Variants in ZNF469 observed in about 807,000 individuals in gnomAD.
The protein encoded by ZNF469 is zinc finger protein 469.
A neutral mutation model predicts 1.0 loss-of-function variants in ZNF469; 1 was observed. The observed-to-expected ratio is 1.00, with a 90% CI of 0.35 to 4.73. ZNF469 has a LOEUF of 4.73. Among genes scored for constraint, ZNF469 ranks in the 30% most tolerant of loss-of-function variants. The probability of loss-of-function intolerance (pLI) is 0.16; values close to 1 mark genes in which losing one functional copy is unlikely to be tolerated. For synonymous variants in ZNF469, 2,703 were observed against 2,363.4 expected (o/e 1.14, Z -4.17); for missense variants, 6,100 against 5,356.3 (o/e 1.14, Z -4.33).
the ZNF469 span, among the ~76,000 whole-genome samples, chr16:88,112,678 A>G: frequency 6.7e-6 from 1 of 150,374 alleles, no homozygotes; most frequent in African/African-American, 2.4e-5. Context: ...TGTTCTGGTT[A>G]TGAATCCCTT....
At chr16:88,226,247 C>A in the ZNF469 span, among the ~76,000 whole-genome samples, 1 of 152,148 alleles carries the variant, frequency 6.6e-6, no homozygotes, top group South Asian at 2.1e-4. Context: ...GCTTCACCCC[C>A]AGCACGCAGG....
At chr16:88,354,249 AG>A in the ZNF469 span, among the ~76,000 whole-genome samples, 24 of 152,162 alleles carry the variant, frequency 1.6e-4, no homozygotes, top group Non-Finnish European at 2.4e-4. Flanking sequence ...GTAGCTCCCC[AG>A]GGGGACCAGG....
the ZNF469 span, among the ~76,000 whole-genome samples, chr16:88,351,738 C>G: frequency 6.6e-6 from 1 of 152,176 alleles, no homozygotes; most frequent in African/African-American, 2.4e-5. Flanking sequence ...CCTCCCCCAC[C>G]AGCAGGGTGC....
the ZNF469 span, among the ~76,000 whole-genome samples, chr16:88,225,645 G>A: frequency 1.2e-3 from 184 of 152,306 alleles, 2 homozygotes; most frequent in Non-Finnish European, 1.9e-3. Flanking sequence ...GGTGTTGGGA[G>A]CTGGAGGACA....
At chr16:88,201,578 T>A in the ZNF469 span, among the ~76,000 whole-genome samples, 67 of 149,118 alleles carry the variant, frequency 4.5e-4, no homozygotes, top group African/African-American at 8.4e-4. The surrounding 1 kb of genome is among the most constrained non-coding windows in gnomAD (Gnocchi z 5.0). Context: ...AAAAAAAAAA[T>A]GAAAACAAAG....
chr16:88,349,743 A>T, the ZNF469 span, among the ~76,000 whole-genome samples: 11 of 147,110 alleles, frequency 7.5e-5, no homozygotes, highest in African/African-American at 1.3e-4. Flanking sequence ...CACCACACAC[A>T]AGTGCACACA....
At chr16:88,217,319 C>T in the ZNF469 span, among the ~76,000 whole-genome samples, 1 of 152,148 alleles carries the variant, frequency 6.6e-6, no homozygotes, top group Non-Finnish European at 1.5e-5. Flanking sequence ...CAAACTCTAT[C>T]TCCTTTGAGC....
the ZNF469 span, among the ~76,000 whole-genome samples, chr16:88,362,257 C>A: frequency 1.3e-5 from 2 of 152,172 alleles, no homozygotes. Context: ...GTTTATGGCT[C>A]CTGGTTTTTG....
At chr16:88,214,819 C>A in the ZNF469 span, among the ~76,000 whole-genome samples, 1 of 152,156 alleles carries the variant, frequency 6.6e-6, no homozygotes, top group Non-Finnish European at 1.5e-5. Flanking sequence ...CACGTCCCTG[C>A]AAAGGACATG....
chr16:88,224,504 C>G, the ZNF469 span, among the ~76,000 whole-genome samples: 1 of 152,080 alleles, frequency 6.6e-6, no homozygotes, highest in Admixed American at 6.5e-5. Context: ...GGAATGTGGA[C>G]GGGGTTGGGG....
At chr16:88,397,665 G>GATAA (rs1342890339) in intron 1 of ZNF469, among the ~76,000 whole-genome samples, 4 of 139,822 alleles carry the variant, frequency 2.9e-5, no homozygotes, top group Non-Finnish European at 6.2e-5. Flanking sequence ...GAGATAGATA[G>GATAA]ATAGATAGAT....
the ZNF469 span, among the ~76,000 whole-genome samples, chr16:88,314,770 T>C: frequency 6.9e-6 from 1 of 145,918 alleles, no homozygotes; most frequent in Non-Finnish European, 1.5e-5. Flanking sequence ...GTGTGGGCTA[T>C]CTCTGTAATT....
chr16:88,320,703 A>T, the ZNF469 span, among the ~76,000 whole-genome samples: 1 of 152,200 alleles, frequency 6.6e-6, no homozygotes, highest in Middle Eastern at 3.2e-3. Flanking sequence ...GATTATTGAC[A>T]GGTATGTTGG....
Position 88,431,499 on chromosome 16 carries a change from T to C in ZNF469, c.4029T>C (p.Ser1343=). The change falls in exon 3 of 3, where the codon AGT becomes AGC. Residue 1343 remains serine, a synonymous_variant. Coordinates refer to ENST00000565624, the MANE Select transcript of ZNF469 (RefSeq NM_001367624.2). ...NPSSTACPKP[S]VLSSKISSFG... ...CAAGTACCGCCTGCCCCAAACCCAG[T>C]GTTCTGTCTTCAAAGATCTCCAGTT... is the stretch of plus-strand genomic sequence containing the variant. 6.4e-7 allele frequency: 1 copy of C among 1,550,390 alleles called. No individual in the cohort carries two copies.
intron 2 of ZNF469, among the ~76,000 whole-genome samples, chr16:88,425,764 A>G (rs2142294798): frequency 6.6e-6 from 1 of 152,306 alleles, no homozygotes; most frequent in South Asian, 2.1e-4. Context: ...ATCCCAGAAG[A>G]GGGAAAGGGG....
the ZNF469 span, among the ~76,000 whole-genome samples, chr16:88,330,999 A>G: frequency 1.3e-5 from 2 of 151,958 alleles, no homozygotes; most frequent in South Asian, 2.1e-4. Context: ...CACCATCACC[A>G]CCATCGTCAC....
At chr16:88,369,782 C>G in the ZNF469 span, among the ~76,000 whole-genome samples, 2 of 152,204 alleles carry the variant, frequency 1.3e-5, no homozygotes, top group Non-Finnish European at 2.9e-5. Flanking sequence ...GGGGCCCGCC[C>G]TGTGCTGTTC....
the ZNF469 span, among the ~76,000 whole-genome samples, chr16:88,319,808 C>G: frequency 6.6e-6 from 1 of 152,232 alleles, no homozygotes; most frequent in Non-Finnish European, 1.5e-5. Flanking sequence ...CTCCCCTGCC[C>G]TACAGGTGGG....
chr16:88,350,513 T>C, the ZNF469 span, among the ~76,000 whole-genome samples: 2 of 152,300 alleles, frequency 1.3e-5, no homozygotes, highest in South Asian at 4.1e-4. Context: ...AGAGCCTCAG[T>C]TTCCCCTCCG....
Sources: gnomAD v4.1 joint callset for allele counts (sites outside exome capture counted in the v4.1 genomes callset) on GRCh38, gnomAD v4.1.1 for gene constraint, Gnocchi (gnomAD v3.1) non-coding constraint, MANE v1.5 for transcripts, NCBI Gene and HGNC (gene_info 2026-07-23, HGNC 2026-07-21) for gene names.